The following OR3A3 variants were observed in gnomAD, a reference collection of about 807,000 sequenced individuals.
OR3A3 encodes the protein olfactory receptor 3A3.
For missense variants in OR3A3, 275 were observed against 391.4 expected (o/e 0.70, Z 2.51); for synonymous variants, 103 against 163.9 (o/e 0.63, Z 2.84).
intron 2 of OR3A3, among the ~76,000 whole-genome samples, chr17:3,415,605 C>A: frequency 6.7e-6 from 1 of 149,338 alleles, no homozygotes; most frequent in Non-Finnish European, 1.5e-5. Context: ...TGTTTTATTG[C>A]TTTCTAATAT....
chr17:3,419,856 C>A (rs1242399244), intron 2 of OR3A3, among the ~76,000 whole-genome samples: 1 of 151,534 alleles, frequency 6.6e-6, no homozygotes, highest in African/African-American at 2.4e-5. Flanking sequence ...GCCTCAGCCT[C>A]CCAGGTTCAC....
At chr17:3,415,359 G>A (rs1028147861) in intron 2 of OR3A3, among the ~76,000 whole-genome samples, 3 of 151,540 alleles carry the variant, frequency 2.0e-5, no homozygotes, top group South Asian at 2.1e-4. Flanking sequence ...TCAGGAGTTC[G>A]AGACCAGCCT....
At chr17:3,422,884 C>T (rs1393526219) in exon 3 of OR3A3, 3 of 151,994 alleles carry the variant, frequency 2.0e-5, no homozygotes, top group Non-Finnish European at 4.4e-5. Flanking sequence ...ATGAGCATAT[C>T]GAGAGGGATG....
chr17:3,421,428 G>A (rs748922165), exon 3 of OR3A3: 2 of 1,611,700 alleles, frequency 1.2e-6, no homozygotes, highest in South Asian at 2.2e-5. Context: ...GGGTTTTCAT[G>A]ACTGTGATCA....
At chr17:3,421,559 C>G in exon 3 of OR3A3, 1 of 1,515,524 alleles carries the variant, frequency 6.6e-7, no homozygotes, top group Non-Finnish European at 8.8e-7. Context: ...CCTGCCTTTT[C>G]TGGACCGAGG....
chr17:3,413,845 C>CAAAAAAAA (rs34648972), intron 2 of OR3A3, among the ~76,000 whole-genome samples: 1 of 143,148 alleles, frequency 7.0e-6, no homozygotes, highest in Non-Finnish European at 1.5e-5. Context: ...AAACAAAAAA[C>CAAAAAAAA]AAAAAAAAAA....
chr17:3,414,227 G>A (rs2956854), intron 2 of OR3A3, among the ~76,000 whole-genome samples: 87,395 of 151,920 alleles, frequency 0.58, 26,578 homozygotes, highest in East Asian at 0.87. Context: ...GCCCGCCACC[G>A]CACCGGACTA....
chr17:3,413,678 T>A (rs554215421), intron 2 of OR3A3, among the ~76,000 whole-genome samples: 22 of 151,850 alleles, frequency 1.4e-4, no homozygotes, highest in Non-Finnish European at 3.1e-4. Flanking sequence ...CCGGGCGTGG[T>A]GGCAGGCACC....
chr17:3,413,838 C>CAA (rs1361048923), intron 2 of OR3A3, among the ~76,000 whole-genome samples: 3 of 140,432 alleles, frequency 2.1e-5, no homozygotes, highest in Non-Finnish European at 3.1e-5. Context: ...AACAAAAAAA[C>CAA]AAAAAACAAA....
intron 2 of OR3A3, among the ~76,000 whole-genome samples, chr17:3,418,840 G>A (rs540425840): frequency 6.6e-6 from 1 of 152,256 alleles, no homozygotes; most frequent in Non-Finnish European, 1.5e-5. Flanking sequence ...AGTCAATAAA[G>A]ACATTGATAT....
At chr17:3,421,454 C>T in exon 3 of OR3A3, 1 of 1,590,322 alleles carries the variant, frequency 6.3e-7, no homozygotes, top group Non-Finnish European at 8.6e-7. Context: ...ATGCTGAACC[C>T]ACTTATCTAC....
chr17:3,421,306 T>C (rs2072433068), exon 3 of OR3A3: 1 of 1,614,216 alleles, frequency 6.2e-7, no homozygotes, highest in Non-Finnish European at 8.5e-7. Context: ...AAAGAAGGCC[T>C]TCTCCACATG....
At chr17:3,418,388 C>G (rs532261159) in intron 2 of OR3A3, among the ~76,000 whole-genome samples, 1 of 152,290 alleles carries the variant, frequency 6.6e-6, no homozygotes, top group East Asian at 1.9e-4. Context: ...CTTGACTTCT[C>G]TAATGTCAAT....
intron 2 of OR3A3, among the ~76,000 whole-genome samples, chr17:3,414,092 C>T (rs1217145390): frequency 2.0e-5 from 3 of 151,974 alleles, no homozygotes; most frequent in Non-Finnish European, 4.4e-5. Context: ...TTTTTTGAGA[C>T]AGAGTCTCAG....
At chr17:3,419,110 C>G (rs1399753622) in intron 2 of OR3A3, among the ~76,000 whole-genome samples, 1 of 152,206 alleles carries the variant, frequency 6.6e-6, no homozygotes, top group Non-Finnish European at 1.5e-5. Context: ...ACTTGTTAGT[C>G]AAAGTCCAGT....
chr17:3,419,180 G>T (rs1253924239), intron 2 of OR3A3, among the ~76,000 whole-genome samples: 2 of 152,196 alleles, frequency 1.3e-5, no homozygotes, highest in Non-Finnish European at 2.9e-5. Context: ...GTGTTGAATT[G>T]ACACTTCATA....
intron 2 of OR3A3, among the ~76,000 whole-genome samples, chr17:3,416,452 G>GC (rs1255307566): frequency 1.8e-5 from 2 of 113,828 alleles, no homozygotes; most frequent in Admixed American, 1.6e-4. Flanking sequence ...TGCACACTTC[G>GC]CAAAAAAAAA....
exon 3 of OR3A3, chr17:3,423,531 T>C (rs1312330948): frequency 2.0e-5 from 3 of 152,226 alleles, no homozygotes; most frequent in Non-Finnish European, 4.4e-5. Context: ...TTCAGAAATA[T>C]TATACCTGAT....
intron 2 of OR3A3, among the ~76,000 whole-genome samples, chr17:3,420,026 C>G (rs1371747370): frequency 6.6e-6 from 1 of 152,138 alleles, no homozygotes; most frequent in African/African-American, 2.4e-5. Context: ...CTTGGCCTCC[C>G]AAAGTGCTGG....
Sources: allele counts gnomAD v4.1 joint callset (sites outside exome capture counted in the v4.1 genomes callset), GRCh38; gene constraint gnomAD v4.1.1; transcripts MANE v1.5; gene names NCBI Gene and HGNC (gene_info 2026-07-23, HGNC 2026-07-21).